TARS3: variants seen among roughly 807,000 people sequenced by gnomAD.
The protein encoded by TARS3 is threonyl-tRNA synthetase 3.
In TARS3, 94 loss-of-function variants were observed where a neutral mutation model predicts 103.5. The ratio of observed to expected loss-of-function variants is 0.91; its 90% CI spans 0.77 to 1.08. The LOEUF is 1.08. Ranked by LOEUF, TARS3 falls within the 50% of genes least tolerant of loss-of-function variation. The pLI is 0.00. For synonymous variants in TARS3, 416 were observed against 355.4 expected, an observed-to-expected ratio of 1.17 and a Z score of -1.92; for missense variants, 952 against 995.2, an observed-to-expected ratio of 0.96 and a Z score of 0.58.
At chr15:101,667,927 C>G (rs938722664) in intron 15 of TARS3, among the ~76,000 whole-genome samples, 10 of 152,156 alleles carry the variant, frequency 6.6e-5, no homozygotes, top group African/African-American at 4.8e-5. Flanking sequence ...ATGAACCAAC[C>G]TCTTGCTAGT....
chr15:101,665,292 A>C (rs562403104), intron 15 of TARS3, among the ~76,000 whole-genome samples: 1 of 152,266 alleles, frequency 6.6e-6, no homozygotes, highest in Non-Finnish European at 1.5e-5. Context: ...ATCGTGTGAC[A>C]CATAAAGGAA....
chr15:101,715,671 A>G (rs1219598959), intron 3 of TARS3, among the ~76,000 whole-genome samples: 2 of 152,210 alleles, frequency 1.3e-5, no homozygotes, highest in African/African-American at 4.8e-5. Flanking sequence ...ATTGCCTTCC[A>G]AAGCAGTCTG....
intron 12 of TARS3, among the ~76,000 whole-genome samples, chr15:101,676,127 T>G (rs1898016955): frequency 6.6e-6 from 1 of 151,994 alleles, no homozygotes; most frequent in Admixed American, 6.6e-5. Context: ...GCAGACTAAG[T>G]CGGGGGGCTG....
intron 12 of TARS3, among the ~76,000 whole-genome samples, chr15:101,677,638 A>C (rs1898083887): frequency 6.6e-6 from 1 of 152,132 alleles, no homozygotes; most frequent in Non-Finnish European, 1.5e-5. Flanking sequence ...AGCTGGGATT[A>C]CAGGCACATG....
intron 5 of TARS3, among the ~76,000 whole-genome samples, chr15:101,709,757 C>G (rs1899764219): frequency 6.6e-6 from 1 of 152,252 alleles, no homozygotes; most frequent in Non-Finnish European, 1.5e-5. Context: ...ACAGAGCACA[C>G]AGCAGGCAGC....
chr15:101,707,375 C>G (rs539371303), intron 6 of TARS3, among the ~76,000 whole-genome samples: 1 of 152,334 alleles, frequency 6.6e-6, no homozygotes, highest in East Asian at 1.9e-4. Flanking sequence ...TCAAACAGAA[C>G]TTTACACACC....
intron 9 of TARS3, 51 bp downstream of exon 9, chr15:101,702,188 T>A: frequency 6.3e-7 from 1 of 1,595,786 alleles, no homozygotes; most frequent in Non-Finnish European, 8.6e-7. Context: ...ACAGAAACAT[T>A]CCTATGTTGG....
At chr15:101,703,717 G>T in intron 8 of TARS3, 142 bp downstream of exon 8, 1 of 619,164 alleles carries the variant, frequency 1.6e-6, no homozygotes, top group Middle Eastern at 4.3e-4. Context: ...GATTTTATTA[G>T]TTTTCATCAA....
chr15:101,702,314 A>G lies in TARS3; in HGVS notation c.1146T>C (p.Pro382=), dbSNP rs1011081360. 2 of 1,613,954 alleles carry G rather than the reference A, an allele frequency of 1.2e-6. No homozygotes were observed. Among genetic ancestry groups the G allele is most frequent in the African/African-American group, 2.7e-5 (2 of 74,920 alleles). ...TLQRIYGISF[P]DNKMMRDWEK... is the part of the protein sequence containing the mutation. ...CCCAGTCTCTCATCATCTTGTTATC[A>G]GGAAAGGATATTCCATAGATCCTCT... Residue 382 remains proline (P), a synonymous_variant, in exon 9 of 19, where the codon CCT becomes CCC. Transcript: ENST00000335968.
In TARS3 at chr15:101,699,080, A is replaced by G. The variant is rs556176146; in HGVS notation, c.1320+2006T>C. On this transcript the variant is annotated intron_variant, in intron 10 of 18. Transcript: ENST00000335968. ...AATGCTCCAGTGGGAGATATCATCT[A>G]GAGCCTCTACACCTAAATTACATGT... Among the ~76,000 whole-genome samples the G allele has an allele frequency of 2.0e-5, 3 of 152,348 alleles. No individual in the cohort carries two copies. In the South Asian group the frequency reaches 6.2e-4, roughly 32 times the overall value.
In TARS3 at chr15:101,708,905, A is replaced by G. The variant is rs754712332; in HGVS notation, c.818T>C (p.Val273Ala). 4.4e-6 allele frequency: 7 copies of G among 1,580,070 alleles called. No homozygotes were observed. Among genetic ancestry groups the G allele is most frequent in the Non-Finnish European group, 6.0e-6 (7 of 1,165,788 alleles). ...CAGGGCTGACAATTCTGTGCTGGAC[A>G]CTGCTCTAAAAAGAAGAGCAGAGAA... ...YYDMFIEDRA[V>A]SSTELSALEN... Residue 273 changes from valine (V) to alanine (A), a missense_variant, in exon 6 of 19, where the codon GTG becomes GCG. This residue lies in a region of TARS3 where 412 missense variants were observed against 364.2 expected (regional missense o/e 1.13). Coordinates refer to ENST00000335968, the MANE Select transcript of TARS3 (RefSeq NM_152334.3).
At chr15:101,698,106 G>A (rs1256205029) in intron 10 of TARS3, among the ~76,000 whole-genome samples, 2 of 152,170 alleles carry the variant, frequency 1.3e-5, no homozygotes, top group Non-Finnish European at 2.9e-5. Flanking sequence ...GGAGGCTGAG[G>A]CAGGCGGATC....
At chr15:101,698,124 C>T (rs1899072315) in intron 10 of TARS3, among the ~76,000 whole-genome samples, 1 of 152,096 alleles carries the variant, frequency 6.6e-6, no homozygotes, top group South Asian at 2.1e-4. Context: ...ATCACGAAGT[C>T]AGGAGATCTA....
intron 3 of TARS3, among the ~76,000 whole-genome samples, chr15:101,717,648 T>C (rs544732368): frequency 5.9e-5 from 9 of 152,348 alleles, no homozygotes; most frequent in African/African-American, 2.2e-4. Flanking sequence ...TGGGAACCCA[T>C]GTGCTATTCT....
chr15:101,709,171 T>A (rs1899730754), intron 5 of TARS3, among the ~76,000 whole-genome samples: 1 of 152,232 alleles, frequency 6.6e-6, no homozygotes, highest in African/African-American at 2.4e-5. Context: ...CCAGGTGGAC[T>A]GTGAGCTCCT....
intron 15 of TARS3, among the ~76,000 whole-genome samples, chr15:101,662,327 A>G (rs749999991): frequency 2.0e-5 from 3 of 152,246 alleles, no homozygotes; most frequent in Non-Finnish European, 4.4e-5. Flanking sequence ...AAGCCACTTC[A>G]AGATCTCTGC....
chr15:101,688,941 T>C (rs1261868886), intron 10 of TARS3, among the ~76,000 whole-genome samples: 1 of 152,194 alleles, frequency 6.6e-6, no homozygotes, highest in African/African-American at 2.4e-5. Flanking sequence ...CCTATGTCTG[T>C]GGCTTTTTTC....
chr15:101,669,538 G>A (rs558555), intron 15 of TARS3, among the ~76,000 whole-genome samples: 83,087 of 152,032 alleles, frequency 0.55, 24,199 homozygotes, highest in Non-Finnish European at 0.67. Flanking sequence ...GCCTGGAGCA[G>A]CTTCCGGTTA....
Position 101,714,962 on chromosome 15 carries a change from G to A in TARS3, c.568C>T (p.Gln190Ter), listed in dbSNP as rs1180859123. The change falls in exon 4 of 19, where the codon CAG becomes TAG. Residue 190 changes from glutamine (Q) to a stop codon, truncating the protein, a stop_gained and splice_region_variant. Transcript: ENST00000335968. LOFTEE classifies it high-confidence loss of function. Reference sequence around the variant, plus strand: ...ATTACCGTGCTTTCAGCCAGTTCCTGACTAAGAAGACAAAAGCCACTTGGG... The same window carrying A: ...ATTACCGTGCTTTCAGCCAGTTCCTAACTAAGAAGACAAAAGCCACTTGGG... The part of the protein sequence containing the change: ...TPYQVAAEIS[Q>*]ELAESTVIAK... The A allele has an allele frequency of 8.1e-6, 13 of 1,603,960 alleles. No individual in the cohort carries two copies. The highest frequency in any genetic ancestry group is 1.1e-5 in the Non-Finnish European group (13 of 1,175,070).
Sources: gnomAD v4.1 joint callset for allele counts (sites outside exome capture counted in the v4.1 genomes callset) on GRCh38, gnomAD v4.1.1 for gene constraint, gnomAD v4.1.1 regional missense constraint, MANE v1.5 for transcripts, NCBI Gene and HGNC (gene_info 2026-07-23, HGNC 2026-07-21) for gene names.